The following PTGIS variants were observed in gnomAD, a reference collection of about 807,000 sequenced individuals.
PTGIS encodes prostacyclin synthase.
Under a neutral mutation model 50.3 loss-of-function variants are expected in PTGIS, and 45 were observed. The observed-to-expected ratio is 0.90, with a 90% CI of 0.70 to 1.15. PTGIS has a LOEUF of 1.15. Among genes scored for constraint, PTGIS ranks in the 50% most tolerant of loss-of-function variants. PTGIS has a pLI of 0.00. For synonymous variants in PTGIS, 260 were observed against 267.7 expected (o/e 0.97, Z 0.28); for missense variants, 668 against 661.3 (o/e 1.01, Z -0.11).
chr20:49,524,228 G>C lies in PTGIS; in HGVS notation c.685C>G (p.His229Asp), dbSNP rs150320603. The change falls in exon 6 of 10, where the codon CAC (histidine) becomes GAC (aspartate). Residue 229 changes from histidine (H) to aspartate (D), a missense_variant. Transcript: ENST00000244043. ...AGGCGACTTTTGACACTGCACATGT[G>C]GTCCTTGTCCCCTGCAGGGACAGAG... ...RGSLSVGDKD[H>D]MCSVKSRLWK... The C allele has an allele frequency of 2.2e-5, 35 of 1,614,150 alleles. No homozygotes were observed. The African/African-American group carries it at 4.3e-4, about 20-fold the overall frequency.
At chr20:49,525,585 T>C (rs79424383) in intron 5 of PTGIS, among the ~76,000 whole-genome samples, 64 of 148,384 alleles carry the variant, frequency 4.3e-4, no homozygotes, top group South Asian at 1.1e-3. Flanking sequence ...TTCTACTTCT[T>C]TTTTTTTTTT....
In PTGIS at chr20:49,540,031, G is replaced by T. The variant is rs2122877603; in HGVS notation, c.522-310C>A. On this transcript the variant is annotated intron_variant, in intron 4 of 9. Coordinates refer to ENST00000244043, the MANE Select transcript of PTGIS (RefSeq NM_000961.4). The surrounding 1 kb of genome is among the most constrained non-coding windows in gnomAD (Gnocchi z 4.8). ...GCAGGATGGGAGGGCGGGGGCTGTG[G>T]TGTCAGGTGCCAGGTGAGGGAGGGG... Among the ~76,000 whole-genome samples the T allele has an allele frequency of 6.6e-6, 1 of 151,428 alleles. No individual in the cohort carries two copies. The highest frequency in any genetic ancestry group is 3.5e-3 in the Middle Eastern group (1 of 288).
chr20:49,539,310 C>A (rs1982161808), intron 5 of PTGIS, among the ~76,000 whole-genome samples: 1 of 151,722 alleles, frequency 6.6e-6, no homozygotes, highest in South Asian at 2.1e-4. Context: ...CAAAAAGGAA[C>A]ACACACACAC....
At chr20:49,536,862 A>G (rs1040941382) in intron 5 of PTGIS, among the ~76,000 whole-genome samples, 8 of 152,042 alleles carry the variant, frequency 5.3e-5, no homozygotes, top group Non-Finnish European at 1.0e-4. Context: ...CATTTTGCAG[A>G]TGAGATCGCT....
intron 3 of PTGIS, among the ~76,000 whole-genome samples, chr20:49,546,371 C>T (rs143803072): frequency 1.3e-5 from 2 of 152,220 alleles, no homozygotes; most frequent in Admixed American, 6.5e-5. Context: ...CACTCAGGCT[C>T]CAAGCAGCTG....
Position 49,504,358 on chromosome 20 carries a change from A to T in PTGIS, c.*3562T>A, listed in dbSNP as rs1041884585. ...TTTTTGGCAGTGAGTGATACATGTT[A>T]TCCACTATTGGCAGCAATTGGGGGG... On this transcript the variant is annotated 3_prime_UTR_variant, in exon 10 of 10. Coordinates refer to ENST00000244043, the MANE Select transcript of PTGIS (RefSeq NM_000961.4). 6.6e-6 allele frequency: 1 copy of T among 152,210 alleles called. No individual in the cohort carries two copies. The highest frequency in any genetic ancestry group is 6.5e-5 in the Admixed American group (1 of 15,280). 9.4% of individuals were successfully genotyped at this position (152,210 alleles called of 1,614,324 possible).
chr20:49,523,882 C>T (rs1981720556), intron 6 of PTGIS, among the ~76,000 whole-genome samples, 176 bp downstream of exon 6: 1 of 152,236 alleles, frequency 6.6e-6, no homozygotes, highest in African/African-American at 2.4e-5. Flanking sequence ...GGTATGTGTG[C>T]ACACACCCAC....
intron 4 of PTGIS, 130 bp from the exon 5 acceptor site, chr20:49,539,851 G>T: frequency 1.5e-6 from 2 of 1,291,946 alleles, no homozygotes; most frequent in Non-Finnish European, 2.2e-6. Flanking sequence ...AGACCATTCT[G>T]GGCACTGAAC....
At chr20:49,546,406 G>A (rs1432929266) in intron 3 of PTGIS, among the ~76,000 whole-genome samples, 1 of 152,218 alleles carries the variant, frequency 6.6e-6, no homozygotes, top group Non-Finnish European at 1.5e-5. Flanking sequence ...TTCAGAGGAG[G>A]CATCATGTCT....
chr20:49,518,191 A>G (rs1220161822), intron 6 of PTGIS, among the ~76,000 whole-genome samples: 3 of 152,204 alleles, frequency 2.0e-5, no homozygotes, highest in Admixed American at 2.0e-4. Flanking sequence ...GAAGATTCCA[A>G]CGGAATAAAA....
chr20:49,512,027 A>G (rs973874516), intron 8 of PTGIS, among the ~76,000 whole-genome samples: 1 of 151,388 alleles, frequency 6.6e-6, no homozygotes, highest in African/African-American at 2.4e-5. Flanking sequence ...GTGGATGGAC[A>G]TATGAGTGAG....
chr20:49,534,587 G>C (rs1237258517), intron 5 of PTGIS, among the ~76,000 whole-genome samples: 1 of 152,156 alleles, frequency 6.6e-6, no homozygotes, highest in South Asian at 2.1e-4. Flanking sequence ...ATCAGTGCTA[G>C]GATGTGGCAG....
chr20:49,511,663 T>A (rs1981323854), intron 8 of PTGIS, among the ~76,000 whole-genome samples: 1 of 152,260 alleles, frequency 6.6e-6, no homozygotes, highest in Non-Finnish European at 1.5e-5. Flanking sequence ...AAATATTTTT[T>A]AAAAAGAAAA....
chr20:49,541,619 T>C (rs1369053062), intron 4 of PTGIS, among the ~76,000 whole-genome samples: 1 of 152,028 alleles, frequency 6.6e-6, no homozygotes, highest in Non-Finnish European at 1.5e-5. Context: ...TAGTCCCAGC[T>C]ACTCAGGAGG....
At chr20:49,545,410 ACT>A (rs1982332191) in intron 3 of PTGIS, among the ~76,000 whole-genome samples, 1 of 151,034 alleles carries the variant, frequency 6.6e-6, no homozygotes, top group Admixed American at 6.6e-5. Context: ...ACAGAGTGAG[ACT>A]CTGTGTCTTA....
intron 2 of PTGIS, 95 bp from the exon 3 acceptor site, chr20:49,548,114 C>T: frequency 8.8e-7 from 1 of 1,142,684 alleles, no homozygotes; most frequent in Admixed American, 1.9e-5. Context: ...GGCACTGCCC[C>T]ACTGGACAGT....
At chr20:49,551,621 G>T (rs941256741) in intron 1 of PTGIS, among the ~76,000 whole-genome samples, 1 of 152,128 alleles carries the variant, frequency 6.6e-6, no homozygotes, top group Non-Finnish European at 1.5e-5. Context: ...TGACCACGTT[G>T]GGCACATGTC....
At position 49,513,134 on chromosome 20, in the gene PTGIS, G is replaced by C; in HGVS notation, c.1152C>G (p.Leu384=). ...TCTGGGGGCTCAGGAAGGGGAAGAGGAGGAGGCGGTCACCACGTCGCAGGT... is the reference window on the plus strand; with the variant it reads ...TCTGGGGGCTCAGGAAGGGGAAGAGCAGGAGGCGGTCACCACGTCGCAGGT... ...EFNLRRGDRL[L]LFPFLSPQRD... Residue 384 remains leucine (L), a synonymous_variant, in exon 8 of 10, where the codon CTC becomes CTG. Coordinates refer to ENST00000244043, the MANE Select transcript of PTGIS (RefSeq NM_000961.4). 1 of 1,614,156 alleles carries C rather than the reference G, an allele frequency of 6.2e-7. No homozygotes were observed. Among genetic ancestry groups the C allele is most frequent in the South Asian group, 1.1e-5 (1 of 91,074 alleles).
rs1339714471 is a variant in PTGIS at position 49,540,893 on chromosome 20, G to T, written c.522-1172C>A. On this transcript the variant is annotated intron_variant, in intron 4 of 9. Coordinates refer to ENST00000244043, the MANE Select transcript of PTGIS (RefSeq NM_000961.4). The surrounding 1 kb of genome is among the most constrained non-coding windows in gnomAD (Gnocchi z 4.8). The stretch of plus-strand genomic sequence containing the variant: ...CTCTCACCCTCCCCTTGAGCTCCTG[G>T]ATCCCTGTGCAGACAAAGACCAGAG... Among the ~76,000 whole-genome samples, 1 of 152,172 alleles carries T rather than the reference G, an allele frequency of 6.6e-6. No individual in the cohort carries two copies. The highest frequency in any genetic ancestry group is 2.4e-5 in the African/African-American group (1 of 41,438).
Sources: allele counts gnomAD v4.1 joint callset (sites outside exome capture counted in the v4.1 genomes callset), GRCh38; gene constraint gnomAD v4.1.1; non-coding constraint Gnocchi (gnomAD v3.1); transcripts MANE v1.5; gene names NCBI Gene and HGNC (gene_info 2026-07-23, HGNC 2026-07-21).